NEO1: variants seen among roughly 807,000 people sequenced by gnomAD.
The protein encoded by NEO1 is neogenin 1.
Under a neutral mutation model 159.7 loss-of-function variants are expected in NEO1, and 63 were observed. The ratio of observed to expected loss-of-function variants is 0.39; its 90% CI spans 0.32 to 0.49. NEO1 has a LOEUF of 0.49. Among genes scored for constraint, NEO1 ranks in the 20% least tolerant of loss-of-function variants. The pLI, the probability that NEO1 is intolerant of heterozygous loss-of-function variation, is 0.85. For synonymous variants in NEO1, 633 were observed against 662.0 expected (o/e 0.96, Z 0.67); for missense variants, 1,615 against 1,831.0 (o/e 0.88, Z 2.15).
At chr15:73,185,394 G>T (rs1437518094) in intron 7 of NEO1, among the ~76,000 whole-genome samples, 2 of 152,034 alleles carry the variant, frequency 1.3e-5, no homozygotes, top group Non-Finnish European at 2.9e-5. Flanking sequence ...GGAAATTTTG[G>T]TACCTTATGC....
chr15:73,103,741 G>GT (rs1474925696), intron 1 of NEO1, among the ~76,000 whole-genome samples: 1 of 152,226 alleles, frequency 6.6e-6, no homozygotes, highest in Non-Finnish European at 1.5e-5. Flanking sequence ...TGAGCTAATA[G>GT]TGTATTGTGG....
intron 11 of NEO1, among the ~76,000 whole-genome samples, chr15:73,253,023 C>T (rs1264939169): frequency 6.6e-6 from 1 of 151,950 alleles, no homozygotes; most frequent in Non-Finnish European, 1.5e-5. Context: ...AAAGATAAAC[C>T]ATCACCAATA....
At chr15:73,254,627 C>A in intron 12 of NEO1, 55 bp from the exon 13 acceptor site, 1 of 1,473,128 alleles carries the variant, frequency 6.8e-7, no homozygotes, top group Non-Finnish European at 9.0e-7. Context: ...ATATTTAAAA[C>A]AGGACCAAGC....
intron 7 of NEO1, 165 bp from the exon 8 acceptor site, chr15:73,236,182 A>G (rs923216053): frequency 1.2e-6 from 1 of 855,462 alleles, no homozygotes; most frequent in Non-Finnish European, 1.8e-6. Flanking sequence ...TTTATTTCCC[A>G]TCGTGGTTTT....
intron 22 of NEO1, 57 bp downstream of exon 22, chr15:73,278,256 A>C: frequency 6.8e-7 from 1 of 1,480,204 alleles, no homozygotes; most frequent in South Asian, 1.1e-5. Flanking sequence ...ACTTTTGCTT[A>C]AATTTTTGAA....
chr15:73,086,869 T>A (rs2069393394), intron 1 of NEO1, among the ~76,000 whole-genome samples: 1 of 152,120 alleles, frequency 6.6e-6, no homozygotes, highest in African/African-American at 2.4e-5. Flanking sequence ...TTGGCCAGGC[T>A]GGTCTCGAAC....
In NEO1 at chr15:73,052,697, C is replaced by T. The variant is rs1440791961; in HGVS notation, c.22C>T (p.Arg8Trp). 8.9e-6 allele frequency: 12 copies of T among 1,353,884 alleles called. No individual in the cohort carries two copies. Among genetic ancestry groups the T allele is most frequent in the African/African-American group, 1.5e-5 (1 of 65,408 alleles). The allele number at this position is 1,353,884 out of a possible 1,614,324, so 83.9% of individuals were successfully genotyped here. A position where few individuals can be genotyped will look rare whatever the true frequency, so the allele number is the denominator to read the frequency against. MAAERGA[R>W]RLLSTPSFWL... is the part of the protein sequence containing the mutation. ...AGAGATGGCGGCGGAGCGGGGAGCC[C>T]GGCGACTCCTCAGCACCCCCTCCTT... Residue 8 changes from arginine (R) to tryptophan (W), a missense_variant, in exon 1 of 29, where the codon CGG becomes TGG. Physicochemically the swap from Arg to Trp is moderately radical, Grantham distance 101. This residue lies in a region of NEO1 where 1,018 missense variants were observed against 1,115.4 expected (regional missense o/e 0.91). Transcript: ENST00000261908.
chr15:73,177,958 G>A (rs980110876), intron 6 of NEO1, among the ~76,000 whole-genome samples: 5 of 152,120 alleles, frequency 3.3e-5, no homozygotes, highest in African/African-American at 1.2e-4. Flanking sequence ...ATAGTCTTAG[G>A]AAAAATAATA....
In NEO1 at chr15:73,116,840, C is replaced by A; in HGVS notation, c.431C>A (p.Ala144Glu). The change falls in exon 2 of 29, where the codon GCG becomes GAG. Residue 144 changes from alanine (A) to glutamate (E), a missense_variant. Physicochemically the swap from Ala to Glu is moderately radical, Grantham distance 107 (BLOSUM62 -1). Around this residue, in one of 3 missense-constraint regions of NEO1, gnomAD observed 1,018 missense variants for 1,115.4 expected, o/e 0.91. Transcript: ENST00000261908. ...ESLGTIISRT[A>E]KLIVAGLPRF... ...CTTGGAACTATTATCAGTAGAACAGCGAAGCTCATAGTAGCAGGTAAGTTT... is the reference window on the plus strand; with the variant it reads ...CTTGGAACTATTATCAGTAGAACAGAGAAGCTCATAGTAGCAGGTAAGTTT... 1.3e-6 allele frequency: 2 copies of A among 1,550,954 alleles called. No individual in the cohort carries two copies. The highest frequency in any genetic ancestry group is 1.7e-6 in the Non-Finnish European group (2 of 1,152,666).
At chr15:73,233,957 T>C (rs1005834138) in intron 7 of NEO1, among the ~76,000 whole-genome samples, 2 of 152,182 alleles carry the variant, frequency 1.3e-5, no homozygotes, top group Non-Finnish European at 2.9e-5. Flanking sequence ...ATCAGAGTGA[T>C]TTACCCAACC....
Position 73,260,473 on chromosome 15 carries a change from T to C in NEO1, c.2398+8T>C, listed in dbSNP as rs376586768. 2.0e-5 allele frequency: 32 copies of C among 1,572,404 alleles called. No homozygotes were observed. The East Asian group carries it at 3.4e-4, about 17-fold the overall frequency. The stretch of plus-strand genomic sequence containing the variant: ...ACACCATTGAAAATCTGGGTATGTT[T>C]GCTAAGTAGAGAAAGTTAATTGTGT... On this transcript the variant is annotated splice_region_variant and intron_variant, in intron 15 of 28. Coordinates refer to ENST00000261908, the MANE Select transcript of NEO1 (RefSeq NM_002499.4).
At chr15:73,276,915 C>T (rs1032907157) in intron 21 of NEO1, among the ~76,000 whole-genome samples, 2 of 152,212 alleles carry the variant, frequency 1.3e-5, no homozygotes, top group South Asian at 2.1e-4. Context: ...TATACTCTTT[C>T]GTGAAGATTT....
At chr15:73,067,844 C>T (rs2068301841) in intron 1 of NEO1, among the ~76,000 whole-genome samples, 1 of 152,040 alleles carries the variant, frequency 6.6e-6, no homozygotes, top group Non-Finnish European at 1.5e-5. Context: ...TCTCGATCTC[C>T]TGACCTCGTG....
At chr15:73,274,082 A>G (rs570599470) in intron 20 of NEO1, 77 bp downstream of exon 20, 2 of 1,352,014 alleles carry the variant, frequency 1.5e-6, no homozygotes, top group Admixed American at 4.1e-5. Flanking sequence ...TTGAGCATAT[A>G]GAGTCTGTGG....
intron 1 of NEO1, among the ~76,000 whole-genome samples, chr15:73,112,347 T>C (rs554758832): frequency 6.6e-6 from 1 of 152,298 alleles, no homozygotes; most frequent in South Asian, 2.1e-4. Flanking sequence ...TTTAACCTTT[T>C]AAATTCTTTA....
chr15:73,159,053 C>T (rs766229048), intron 5 of NEO1, among the ~76,000 whole-genome samples: 12 of 152,096 alleles, frequency 7.9e-5, no homozygotes, highest in Non-Finnish European at 1.5e-4. Flanking sequence ...GCTTGAGCCC[C>T]GGAGTTTGAG....
chr15:73,288,459 C>G lies in NEO1; in HGVS notation c.3557C>G (p.Thr1186Ser). The change falls in exon 24 of 29, where the codon ACT (threonine) becomes AGT (serine). Residue 1186 changes from threonine to serine, a missense_variant. Thr to Ser is a moderately conservative substitution (Grantham distance 58). Coordinates refer to ENST00000261908, the MANE Select transcript of NEO1 (RefSeq NM_002499.4). Reference sequence around the variant, plus strand: ...TCTCCAGACCCAAACCCCATCATGACTGATACTCCAATTCCTCGCAACTCT... The same window carrying G: ...TCTCCAGACCCAAACCCCATCATGAGTGATACTCCAATTCCTCGCAACTCT... ...DKSPDPNPIM[T>S]DTPIPRNSQD... is the part of the protein sequence containing the mutation. 1 of 1,614,154 alleles carries G rather than the reference C, an allele frequency of 6.2e-7. No homozygotes were observed. The highest frequency in any genetic ancestry group is 2.2e-5 in the East Asian group (1 of 44,872).
intron 7 of NEO1, among the ~76,000 whole-genome samples, chr15:73,228,379 A>G (rs1398563599): frequency 6.7e-6 from 1 of 149,646 alleles, no homozygotes; most frequent in African/African-American, 2.5e-5. Context: ...TGATGAAATG[A>G]CTATTCAAAG....
Position 73,052,642 on chromosome 15 carries a change from G to T in NEO1, c.-34G>T. 8.1e-7 allele frequency: 1 copy of T among 1,235,846 alleles called. No individual in the cohort carries two copies. Among genetic ancestry groups the T allele is most frequent in the Non-Finnish European group, 1.0e-6 (1 of 984,326 alleles). The allele number at this position is 1,235,846 out of a possible 1,614,324, so 76.6% of individuals were successfully genotyped here. A position where few individuals can be genotyped will look rare whatever the true frequency, so the allele number is the denominator to read the frequency against. On this transcript the variant is annotated 5_prime_UTR_variant, in exon 1 of 29. Coordinates refer to ENST00000261908, the MANE Select transcript of NEO1 (RefSeq NM_002499.4). The stretch of plus-strand genomic sequence containing the variant: ...AAGGAGGCAAGGGCTCCGCGGCGCT[G>T]TCGCCGCCGCTGCCGCTCACTCTCG...
Sources: allele counts gnomAD v4.1 joint callset (sites outside exome capture counted in the v4.1 genomes callset), GRCh38; gene constraint gnomAD v4.1.1; regional missense constraint gnomAD v4.1.1; transcripts MANE v1.5; gene names NCBI Gene and HGNC (gene_info 2026-07-23, HGNC 2026-07-21).